KCNQ1: variants seen among roughly 807,000 people sequenced by gnomAD.
KCNQ1 encodes the protein potassium voltage-gated channel subfamily KQT member 1.
KCNQ1 carries 49 observed loss-of-function variants against 72.4 expected under a neutral mutation model. The ratio of observed to expected loss-of-function variants is 0.68; its 90% CI spans 0.54 to 0.86. KCNQ1 has a LOEUF of 0.86. KCNQ1 is among the 40% of genes least tolerant of loss of function. The pLI is 0.00. For synonymous variants in KCNQ1, 450 were observed against 412.6 expected (o/e 1.09, Z -1.10); for missense variants, 790 against 945.1 (o/e 0.84, Z 2.15).
chr11:2,650,607 A>G (rs1849742254), intron 10 of KCNQ1: 1 of 398,604 alleles, frequency 2.5e-6, no homozygotes, highest in Non-Finnish European at 4.4e-6. Flanking sequence ...CCTTAGAGGT[A>G]CTTACTCCTC....
intron 11 of KCNQ1, among the ~76,000 whole-genome samples, chr11:2,753,970 A>G (rs1007457422): frequency 2.6e-5 from 4 of 152,236 alleles, no homozygotes. Context: ...CAACTCAATA[A>G]TGCATTGACC....
In KCNQ1 at chr11:2,579,512, C is replaced by T. The variant is rs1230898897; in HGVS notation, c.922-3923C>T. Reference sequence around the variant, plus strand: ...CAGGGACTAATCCCCAGCATGGTGACCATAAAACAGCCCATTCCTGAGCTG... The same window carrying T: ...CAGGGACTAATCCCCAGCATGGTGATCATAAAACAGCCCATTCCTGAGCTG... On this transcript the variant is annotated intron_variant, in intron 6 of 15. Coordinates refer to ENST00000155840, the MANE Select transcript of KCNQ1 (RefSeq NM_000218.3). The surrounding 1 kb of genome is among the most constrained non-coding windows in gnomAD (Gnocchi z 6.0). Among the ~76,000 whole-genome samples the T allele has an allele frequency of 1.3e-5, 2 of 152,206 alleles. No individual in the cohort carries two copies. The highest frequency in any genetic ancestry group is 4.8e-5 in the African/African-American group (2 of 41,468).
At chr11:2,456,659 C>A (rs549758173) in intron 1 of KCNQ1, among the ~76,000 whole-genome samples, 1 of 150,816 alleles carries the variant, frequency 6.6e-6, no homozygotes, top group African/African-American at 2.4e-5. Flanking sequence ...CGGTGGCTCA[C>A]GCCTGTAATC....
At position 2,579,599 on chromosome 11, in the gene KCNQ1, T is replaced by C. The variant is rs1848469985; in HGVS notation, c.922-3836T>C. On this transcript the variant is annotated intron_variant, in intron 6 of 15. Transcript: ENST00000155840. The surrounding 1 kb of genome is among the most constrained non-coding windows in gnomAD (Gnocchi z 6.0). Reference sequence around the variant, plus strand: ...AGGGAGGGGCCGTTTCCTTGTTAACTTGAGGATGAGGGTCTGGGGCCGGGT... The same window carrying C: ...AGGGAGGGGCCGTTTCCTTGTTAACCTGAGGATGAGGGTCTGGGGCCGGGT... Among the ~76,000 whole-genome samples, 1 of 152,176 alleles carries C rather than the reference T, an allele frequency of 6.6e-6. No homozygotes were observed. The highest frequency in any genetic ancestry group is 2.4e-5 in the African/African-American group (1 of 41,440).
In KCNQ1 at chr11:2,652,451, C is replaced by T. The variant is rs231348; in HGVS notation, c.1394-9510C>T. ...AATCAAGGCCACTTTTTTGTTTTCT[C>T]CATCCAAAGACCTCCAGAAACTTTC... On this transcript the variant is annotated intron_variant, in intron 10 of 15. Coordinates refer to ENST00000155840, the MANE Select transcript of KCNQ1 (RefSeq NM_000218.3). The surrounding 1 kb of genome is among the most constrained non-coding windows in gnomAD (Gnocchi z 5.9). The T allele has an allele frequency of 0.12, 46,220 of 398,406 alleles. 2,811 individuals carry two copies. Among genetic ancestry groups the T allele is most frequent in the Middle Eastern group, 0.16 (255 of 1,588 alleles). 24.7% of individuals were successfully genotyped at this position (398,406 alleles called of 1,614,324 possible).
rs771802166 is a variant in KCNQ1 at position 2,745,341 on chromosome 11, G to A, written c.1515-23503G>A. ...CTCTGTTGCCATCTTTTCCTGAAAG[G>A]GCTGGTGGGGTCTTGCTTCCATTAT... On this transcript the variant is annotated intron_variant, in intron 11 of 15. Coordinates refer to ENST00000155840, the MANE Select transcript of KCNQ1 (RefSeq NM_000218.3). The surrounding 1 kb of genome is among the most constrained non-coding windows in gnomAD (Gnocchi z 6.2). 6.6e-6 allele frequency among the ~76,000 whole-genome samples: 1 copy of A among 152,104 alleles called. No individual in the cohort carries two copies. The highest frequency in any genetic ancestry group is 1.5e-5 in the Non-Finnish European group (1 of 68,024).
At chr11:2,449,981 G>A (rs950027270) in intron 1 of KCNQ1, among the ~76,000 whole-genome samples, 3 of 152,174 alleles carry the variant, frequency 2.0e-5, no homozygotes, top group Middle Eastern at 3.2e-3. Flanking sequence ...GCCTTCCAGC[G>A]ATGGGAATGC....
intron 1 of KCNQ1, 102 bp downstream of exon 1, chr11:2,445,586 C>G: frequency 7.4e-7 from 1 of 1,359,874 alleles, no homozygotes; most frequent in Non-Finnish European, 1.0e-6. Context: ...AGCTGCGACC[C>G]CGGAGCAGAG....
chr11:2,476,739 T>G (rs1444247413), intron 1 of KCNQ1, among the ~76,000 whole-genome samples: 1 of 102,024 alleles, frequency 9.8e-6, no homozygotes. Flanking sequence ...CAGGCTGGAG[T>G]GCAGTGGTGC....
Position 2,703,363 on chromosome 11 carries a change from A to G in KCNQ1, c.1514+41282A>G, listed in dbSNP as rs570846071. On this transcript the variant is annotated intron_variant, in intron 11 of 15. Transcript: ENST00000155840. This position sits in a 1 kb window ranked among gnomAD's most constrained non-coding sequence, Gnocchi z 6.4. The stretch of plus-strand genomic sequence containing the variant: ...CCCCACGTGACAGAGGGCAGGTCCC[A>G]TTCTCCTTTTGTGTCTGGTTTGCCT... Among the ~76,000 whole-genome samples, 1 of 152,160 alleles carries G rather than the reference A, an allele frequency of 6.6e-6. No individual in the cohort carries two copies. The highest frequency in any genetic ancestry group is 1.5e-5 in the Non-Finnish European group (1 of 68,030).
chr11:2,456,065 C>T (rs1846187380), intron 1 of KCNQ1, among the ~76,000 whole-genome samples: 1 of 152,212 alleles, frequency 6.6e-6, no homozygotes, highest in South Asian at 2.1e-4. Flanking sequence ...CGTGGCCAGG[C>T]ACAGTGGCTC....
chr11:2,638,478 T>C (rs1001737987), intron 10 of KCNQ1: 1 of 152,234 alleles, frequency 6.6e-6, no homozygotes, highest in Admixed American at 6.5e-5. Flanking sequence ...AAAATTCTTT[T>C]CTTTAAGAAT....
intron 1 of KCNQ1, among the ~76,000 whole-genome samples, chr11:2,511,814 G>A (rs1349900785): frequency 6.6e-6 from 1 of 152,214 alleles, no homozygotes; most frequent in South Asian, 2.1e-4. Flanking sequence ...AGGAGCCCAG[G>A]GGAGGGGGTG....
intron 11 of KCNQ1, among the ~76,000 whole-genome samples, chr11:2,731,410 C>T (rs1019206215): frequency 6.6e-6 from 1 of 152,212 alleles, no homozygotes; most frequent in East Asian, 1.9e-4. Flanking sequence ...TGTGTGTCAG[C>T]GGGAGAGGCC....
At chr11:2,453,615 G>T (rs1846145354) in intron 1 of KCNQ1, among the ~76,000 whole-genome samples, 1 of 152,210 alleles carries the variant, frequency 6.6e-6, no homozygotes, top group African/African-American at 2.4e-5. Context: ...TGTCACTGAG[G>T]TCCCTTCTGG....
chr11:2,446,358 G>A lies in KCNQ1; in HGVS notation c.386+874G>A, dbSNP rs2133561787. Among the ~76,000 whole-genome samples, 1 of 152,300 alleles carries A rather than the reference G, an allele frequency of 6.6e-6. No individual in the cohort carries two copies. Among genetic ancestry groups the A allele is most frequent in the South Asian group, 2.1e-4 (1 of 4,830 alleles). The stretch of plus-strand genomic sequence containing the variant: ...CCAGCCAGCGGCCTTTTGGTGTGGT[G>A]CCAGCCTCTGGCCTGGGAGCCTCTA... On this transcript the variant is annotated intron_variant, in intron 1 of 15. Transcript: ENST00000155840. This position sits in a 1 kb window ranked among gnomAD's most constrained non-coding sequence, Gnocchi z 8.8.
intron 15 of KCNQ1, among the ~76,000 whole-genome samples, chr11:2,832,668 G>A (rs554196483): frequency 2.0e-5 from 3 of 152,226 alleles, no homozygotes; most frequent in East Asian, 3.9e-4. Context: ...CCCGGAGCAT[G>A]TTCCCTCTGT....
intron 15 of KCNQ1, among the ~76,000 whole-genome samples, chr11:2,846,093 A>AC (rs1848321589): frequency 6.6e-6 from 1 of 151,760 alleles, no homozygotes. Context: ...CCTGGCCCAC[A>AC]CCTCACCCCA....
intron 2 of KCNQ1, among the ~76,000 whole-genome samples, chr11:2,558,997 C>T (rs972087959): frequency 1.3e-5 from 2 of 152,110 alleles, no homozygotes; most frequent in African/African-American, 4.8e-5. Context: ...CTGCTCAGAC[C>T]CAGGTGAGGT....
Sources: allele counts gnomAD v4.1 joint callset (sites outside exome capture counted in the v4.1 genomes callset), GRCh38; gene constraint gnomAD v4.1.1; non-coding constraint Gnocchi (gnomAD v3.1); transcripts MANE v1.5; gene names NCBI Gene and HGNC (gene_info 2026-07-23, HGNC 2026-07-21).